ITPKB: variants seen among roughly 807,000 people sequenced by gnomAD.
ITPKB encodes the protein IP3 3-kinase B.
ITPKB carries 13 observed loss-of-function variants against 69.4 expected under a neutral mutation model. The ratio of observed to expected loss-of-function variants is 0.19; its 90% CI spans 0.12 to 0.30. The LOEUF (loss-of-function observed/expected upper bound fraction) is 0.30. Ranked by LOEUF, ITPKB falls within the 10% of genes least tolerant of loss-of-function variation. The pLI is 1.00. For missense variants in ITPKB, 1,240 were observed against 1,250.5 expected (o/e 0.99, Z 0.13); for synonymous variants, 584 against 513.7 (o/e 1.14, Z -1.85).
intron 2 of ITPKB, 90 bp from the exon 3 acceptor site, chr1:226,648,861 T>G (rs919505998): frequency 1.1e-6 from 1 of 908,456 alleles, no homozygotes; most frequent in African/African-American, 1.6e-5. Context: ...CCTCATTGCC[T>G]GTGGCCACAA....
chr1:226,661,292 GT>G (rs1428229999), intron 2 of ITPKB, among the ~76,000 whole-genome samples: 2 of 152,226 alleles, frequency 1.3e-5, no homozygotes, highest in Non-Finnish European at 2.9e-5. Flanking sequence ...GAAATAGCTC[GT>G]GTGCTTACCA....
chr1:226,667,862 G>A lies in ITPKB; in HGVS notation c.1933-19091C>T, dbSNP rs74139748. On this transcript the variant is annotated intron_variant, in intron 2 of 7. Coordinates refer to ENST00000429204, the MANE Select transcript of ITPKB (RefSeq NM_002221.4). The stretch of plus-strand genomic sequence containing the variant: ...TGTGTGTGTGTGTGTGTGCGCGCGC[G>A]CGTGCGAAGTGGAGGTTGGTATTTC... 5.0e-3 allele frequency among the ~76,000 whole-genome samples: 751 copies of A among 151,664 alleles called. 2 individuals are homozygous for A. Among genetic ancestry groups the A allele is most frequent in the African/African-American group, 0.017 (682 of 40,994 alleles).
In ITPKB at chr1:226,735,703, G is replaced by C. The variant is rs1657726387; in HGVS notation, c.1756C>G (p.Gln586Glu). 6.3e-7 allele frequency: 1 copy of C among 1,593,668 alleles called. No homozygotes were observed. The highest frequency in any genetic ancestry group is 1.3e-5 in the African/African-American group (1 of 74,296). The change falls in exon 2 of 8, where the codon CAG becomes GAG. Residue 586 changes from glutamine to glutamate, a missense_variant. This residue lies in a region of ITPKB where 992 missense variants were observed against 853.8 expected (regional missense o/e 1.16). Coordinates refer to ENST00000429204, the MANE Select transcript of ITPKB (RefSeq NM_002221.4). Reference sequence around the variant, plus strand: ...GGCAGGTTGCCCCGAGGGCTTCCCTGCGTCTCCTCCAAGGCCCCATCCTCC... The same window carrying C: ...GGCAGGTTGCCCCGAGGGCTTCCCTCCGTCTCCTCCAAGGCCCCATCCTCC... Reference protein sequence around the residue: ...TQEDGALEETQGSPRGNLPLR... With the variant: ...TQEDGALEETEGSPRGNLPLR...
chr1:226,677,324 G>T (rs928007234), intron 2 of ITPKB, among the ~76,000 whole-genome samples: 1 of 152,216 alleles, frequency 6.6e-6, no homozygotes, highest in Non-Finnish European at 1.5e-5. Flanking sequence ...ACCCAGGCAC[G>T]ATGCCACCAG....
At chr1:226,728,825 C>T (rs930621700) in intron 2 of ITPKB, among the ~76,000 whole-genome samples, 4 of 152,170 alleles carry the variant, frequency 2.6e-5, no homozygotes, top group African/African-American at 9.7e-5. Flanking sequence ...TGGAATTTCA[C>T]CCAAGTCTCC....
At chr1:226,727,814 T>A (rs773725197) in intron 2 of ITPKB, among the ~76,000 whole-genome samples, 14 of 152,128 alleles carry the variant, frequency 9.2e-5, no homozygotes, top group Non-Finnish European at 1.6e-4. Flanking sequence ...GGGCCGGCCG[T>A]TACCCTTCAT....
chr1:226,717,838 C>T (rs1378758444), intron 2 of ITPKB, among the ~76,000 whole-genome samples: 1 of 152,216 alleles, frequency 6.6e-6, no homozygotes, highest in Non-Finnish European at 1.5e-5. Flanking sequence ...ACACCTTCAC[C>T]TGAAGCCCTG....
At chr1:226,673,840 G>A (rs765238667) in intron 2 of ITPKB, among the ~76,000 whole-genome samples, 21 of 152,156 alleles carry the variant, frequency 1.4e-4, no homozygotes, top group Admixed American at 2.0e-4. Flanking sequence ...ATCCACCAGA[G>A]AGTTGCAGGA....
intron 7 of ITPKB, among the ~76,000 whole-genome samples, chr1:226,636,922 C>T (rs960384292): frequency 6.6e-6 from 1 of 151,976 alleles, no homozygotes; most frequent in Middle Eastern, 3.4e-3. Context: ...AATGTGTGTG[C>T]ATGCATGTGA....
At position 226,658,545 on chromosome 1, in the gene ITPKB, GACTA is replaced by G. The variant is rs142134663; in HGVS notation, c.1933-9778_1933-9775del. On this transcript the variant is annotated intron_variant, in intron 2 of 7. Coordinates refer to ENST00000429204, the MANE Select transcript of ITPKB (RefSeq NM_002221.4). ...GCTAAAAATAAAAGTCTGGATGTAA[GACTA>G]ACTGCCTTTCCCCCTTTAACAAACA... 9.6e-3 allele frequency among the ~76,000 whole-genome samples: 1,457 copies of G among 152,332 alleles called. 55 individuals carry two copies. The highest frequency in any genetic ancestry group is 0.059 in the South Asian group (284 of 4,826).
rs556400892 is a variant in ITPKB at position 226,668,361 on chromosome 1, G to A, written c.1933-19590C>T. 2.6e-5 allele frequency among the ~76,000 whole-genome samples: 4 copies of A among 152,308 alleles called. No homozygotes were observed. In the East Asian group the frequency reaches 7.7e-4, roughly 29 times the overall value. On this transcript the variant is annotated intron_variant, in intron 2 of 7. Coordinates refer to ENST00000429204, the MANE Select transcript of ITPKB (RefSeq NM_002221.4). The stretch of plus-strand genomic sequence containing the variant: ...TTCAAGAGCAAGTTCACAGGATTCG[G>A]TATCAGTGGCACTCACTTTGGGGTG...
At chr1:226,645,796 A>T (rs1669049487) in intron 4 of ITPKB, among the ~76,000 whole-genome samples, 1 of 152,104 alleles carries the variant, frequency 6.6e-6, no homozygotes, top group Non-Finnish European at 1.5e-5. Context: ...CCTGTGGGCT[A>T]AAGATAGTAA....
At chr1:226,667,897 A>T (rs1469105846) in intron 2 of ITPKB, among the ~76,000 whole-genome samples, 9 of 151,778 alleles carry the variant, frequency 5.9e-5, no homozygotes, top group Admixed American at 5.9e-4. Context: ...CAGGATTGAG[A>T]AAAGCATAAG....
chr1:226,680,959 C>T (rs998340928), intron 2 of ITPKB, among the ~76,000 whole-genome samples: 3 of 152,106 alleles, frequency 2.0e-5, no homozygotes, highest in Admixed American at 6.5e-5. Context: ...AGAAAAAGTC[C>T]GCAGCTATGA....
In ITPKB at chr1:226,736,178, T is replaced by G; in HGVS notation, c.1281A>C (p.Arg427=). ...GCCCCCCGCCCACGGGGGCCCCACT[T>G]CGGGCCTCCTCAGGGCCTACGGAGG... is the stretch of plus-strand genomic sequence containing the variant. ...ALASVGPEEA[R]SGAPVGGGRW... The change falls in exon 2 of 8, where the codon CGA becomes CGC. Residue 427 remains arginine, a synonymous_variant. Transcript: ENST00000429204. 1.9e-6 allele frequency: 3 copies of G among 1,548,218 alleles called. No homozygotes were observed. Among genetic ancestry groups the G allele is most frequent in the Non-Finnish European group, 2.6e-6 (3 of 1,148,194 alleles).
In ITPKB at chr1:226,736,828, C is replaced by G; in HGVS notation, c.631G>C (p.Glu211Gln). ...CTCCCGGAGTCGGTTCCTGAAGTCTCTGGACATTGCTCCCCCCAGGACTTT... is the reference window on the plus strand; with the variant it reads ...CTCCCGGAGTCGGTTCCTGAAGTCTGTGGACATTGCTCCCCCCAGGACTTT... ...RTKSWGEQCP[E>Q]TSGTDSGRKG... The change falls in exon 2 of 8, where the codon GAG becomes CAG. Residue 211 changes from glutamate (E) to glutamine (Q), a missense_variant. Physicochemically the swap from Glu to Gln is conservative, Grantham distance 29. Coordinates refer to ENST00000429204, the MANE Select transcript of ITPKB (RefSeq NM_002221.4). 1 of 1,612,752 alleles carries G rather than the reference C, an allele frequency of 6.2e-7. No homozygotes were observed. Among genetic ancestry groups the G allele is most frequent in the Non-Finnish European group, 8.5e-7 (1 of 1,180,034 alleles).
intron 2 of ITPKB, among the ~76,000 whole-genome samples, chr1:226,670,440 C>T (rs1308806720): frequency 6.6e-6 from 1 of 152,150 alleles, no homozygotes; most frequent in Non-Finnish European, 1.5e-5. Flanking sequence ...GTTAATTATG[C>T]CATTGTTTCT....
intron 2 of ITPKB, among the ~76,000 whole-genome samples, chr1:226,702,804 T>C (rs1656700365): frequency 6.6e-6 from 1 of 152,196 alleles, no homozygotes; most frequent in Non-Finnish European, 1.5e-5. Context: ...ATTCCAATAG[T>C]GGCTTCTTGG....
intron 2 of ITPKB, among the ~76,000 whole-genome samples, chr1:226,657,592 C>T (rs1669320640): frequency 6.6e-6 from 1 of 152,204 alleles, no homozygotes; most frequent in African/African-American, 2.4e-5. Context: ...GCCAGCCGAA[C>T]TCTGCTGCGT....
Sources: allele counts gnomAD v4.1 joint callset (sites outside exome capture counted in the v4.1 genomes callset), GRCh38; gene constraint gnomAD v4.1.1; regional missense constraint gnomAD v4.1.1; transcripts MANE v1.5; gene names NCBI Gene and HGNC (gene_info 2026-07-23, HGNC 2026-07-21).